CD160: variants seen among roughly 807,000 people sequenced by gnomAD.
The protein encoded by CD160 is CD160 antigen.
Under a neutral mutation model 19.2 loss-of-function variants are expected in CD160, and 11 were observed. That is an observed-to-expected ratio of 0.57 (90% CI 0.36 to 0.95). CD160 has a LOEUF of 0.95. Ranked by LOEUF, CD160 falls within the 40% of genes least tolerant of loss-of-function variation. The pLI, the probability that CD160 is intolerant of heterozygous loss-of-function variation, is 0.01. For missense variants in CD160, 182 were observed against 213.2 expected, an observed-to-expected ratio of 0.85 and a Z score of 0.91; for synonymous variants, 75 against 81.1, an observed-to-expected ratio of 0.93 and a Z score of 0.40.
At chr1:145,728,996 G>C (rs1303510960) in intron 3 of CD160, among the ~76,000 whole-genome samples, 1 of 152,102 alleles carries the variant, frequency 6.6e-6, no homozygotes, top group Non-Finnish European at 1.5e-5. Flanking sequence ...TCAGCAGCTA[G>C]TTTAACCACT....
In CD160 at chr1:145,736,049, C is replaced by T. The variant is rs1377650570; in HGVS notation, c.453C>T (p.Phe151=). 4 of 1,613,844 alleles carry T rather than the reference C, an allele frequency of 2.5e-6. No homozygotes were observed. In the Admixed American group the frequency reaches 6.7e-5, roughly 27 times the overall value. ...TGLKQRQHLE[F]SHNEGTLSSG... is the part of the protein sequence containing the mutation. Reference sequence around the variant, plus strand: ...TGAAACAAAGACAACACCTTGAGTTCAGCCATAATGAAGGCACTCTCAGTT... The same window carrying T: ...TGAAACAAAGACAACACCTTGAGTTTAGCCATAATGAAGGCACTCTCAGTT... The change falls in exon 5 of 6, where the codon TTC becomes TTT. Residue 151 remains phenylalanine (F), a synonymous_variant. Coordinates refer to ENST00000369288, the MANE Select transcript of CD160 (RefSeq NM_007053.4).
intron 1 of CD160, among the ~76,000 whole-genome samples, chr1:145,719,882 G>A (rs1656760686): frequency 6.6e-6 from 1 of 152,228 alleles, no homozygotes; most frequent in African/African-American, 2.4e-5. Context: ...CAAGCCGGGA[G>A]GTGCCACGGG....
chr1:145,735,712 G>A (rs1571688678), intron 4 of CD160, among the ~76,000 whole-genome samples: 1 of 152,338 alleles, frequency 6.6e-6, no homozygotes, highest in East Asian at 1.9e-4. Context: ...GGATACCCAA[G>A]TCCAAGGCGA....
chr1:145,736,373 T>C, intron 5 of CD160: 1 of 1,172,736 alleles, frequency 8.5e-7, no homozygotes. Flanking sequence ...TCATTAGGAA[T>C]GAAGGCCTGT....
intron 5 of CD160, chr1:145,737,700 CCATA>C (rs1657550350): frequency 6.8e-6 from 1 of 147,782 alleles, no homozygotes; most frequent in Admixed American, 6.8e-5. Context: ...TTGAGTCTAG[CCATA>C]CAACCTACTA....
At chr1:145,734,568 G>T (rs1657410179) in intron 4 of CD160, among the ~76,000 whole-genome samples, 1 of 152,130 alleles carries the variant, frequency 6.6e-6, no homozygotes, top group African/African-American at 2.4e-5. Flanking sequence ...AATATGTATT[G>T]TGCATCCCAG....
Position 145,721,677 on chromosome 1 carries a change from A to G in CD160, c.-179+2118A>G, listed in dbSNP as rs118180137. The stretch of plus-strand genomic sequence containing the variant: ...CTAGAGAAGGGACACGACCTTGTCA[A>G]CATTCCACAGCTACCTAGTGCGGAG... On this transcript the variant is annotated intron_variant, in intron 1 of 5. Coordinates refer to ENST00000369288, the MANE Select transcript of CD160 (RefSeq NM_007053.4). 4.7e-4 allele frequency among the ~76,000 whole-genome samples: 72 copies of G among 152,212 alleles called. 1 individual carries two copies. In the East Asian group the frequency reaches 0.014, roughly 29 times the overall value.
intron 1 of CD160, among the ~76,000 whole-genome samples, chr1:145,721,335 C>T (rs769962988): frequency 1.3e-5 from 2 of 152,198 alleles, no homozygotes; most frequent in Admixed American, 6.5e-5. Context: ...CGCCCTCTAG[C>T]GGCCAGAGTG....
chr1:145,721,837 C>T (rs1301002375), intron 1 of CD160, among the ~76,000 whole-genome samples: 1 of 152,210 alleles, frequency 6.6e-6, no homozygotes, highest in Non-Finnish European at 1.5e-5. Context: ...AGCCTTTCCA[C>T]ATCCCTCATC....
At chr1:145,735,623 A>C (rs962691641) in intron 4 of CD160, among the ~76,000 whole-genome samples, 1 of 151,986 alleles carries the variant, frequency 6.6e-6, no homozygotes, top group Non-Finnish European at 1.5e-5. Context: ...AACAAAAAAA[A>C]CCCAGATCTA....
At chr1:145,735,934 G>A in intron 4 of CD160, 63 bp from the exon 5 acceptor site, 4 of 1,142,650 alleles carry the variant, frequency 3.5e-6, no homozygotes, top group Non-Finnish European at 5.1e-6. Context: ...ATGAGATGAT[G>A]CAAAAGGAGA....
intron 4 of CD160, 92 bp from the exon 5 acceptor site, chr1:145,735,905 A>G (rs1304926874): frequency 8.1e-6 from 7 of 865,426 alleles, no homozygotes; most frequent in South Asian, 3.4e-5. Context: ...GAATCCTTGG[A>G]GATCATAAAA....
intron 5 of CD160, chr1:145,737,932 A>T (rs915340826): frequency 1.3e-5 from 2 of 152,228 alleles, no homozygotes; most frequent in South Asian, 4.1e-4. Flanking sequence ...TACACTACTT[A>T]GAAGCTTTCT....
intron 4 of CD160, among the ~76,000 whole-genome samples, chr1:145,732,885 A>G (rs1345708987): frequency 4.6e-5 from 7 of 152,182 alleles, no homozygotes; most frequent in Non-Finnish European, 8.8e-5. Context: ...TATAATCCTC[A>G]TCTACTATAT....
chr1:145,734,100 C>T (rs1657395903), intron 4 of CD160, among the ~76,000 whole-genome samples: 1 of 152,166 alleles, frequency 6.6e-6, no homozygotes, highest in South Asian at 2.1e-4. Context: ...TGCTGTTCTT[C>T]CGCACAGCAG....
chr1:145,733,938 C>A (rs587643906), intron 4 of CD160, among the ~76,000 whole-genome samples: 1 of 152,266 alleles, frequency 6.6e-6, no homozygotes, highest in African/African-American at 2.4e-5. Flanking sequence ...AACGTTTAAA[C>A]TAAAAACTGT....
At chr1:145,731,864 A>C (rs2101397400) in intron 4 of CD160, among the ~76,000 whole-genome samples, 1 of 152,236 alleles carries the variant, frequency 6.6e-6, no homozygotes, top group Non-Finnish European at 1.5e-5. Flanking sequence ...CCATAGATTA[A>C]AGGAGGAAAA....
chr1:145,733,991 A>AT (rs1553709764), intron 4 of CD160, among the ~76,000 whole-genome samples: 1 of 152,198 alleles, frequency 6.6e-6, no homozygotes, highest in East Asian at 1.9e-4. Context: ...CAAACTCAGT[A>AT]TCAAAGCTAT....
At chr1:145,729,443 G>T (rs1269921192) in intron 3 of CD160, among the ~76,000 whole-genome samples, 8 of 152,198 alleles carry the variant, frequency 5.3e-5, no homozygotes, top group Admixed American at 3.3e-4. Context: ...TTTAACCGAG[G>T]TTGGGGTTTT....
Sources: allele counts gnomAD v4.1 joint callset (sites outside exome capture counted in the v4.1 genomes callset), GRCh38; gene constraint gnomAD v4.1.1; transcripts MANE v1.5; gene names NCBI Gene and HGNC (gene_info 2026-07-23, HGNC 2026-07-21).